Variants in PDILT observed in about 807,000 individuals in gnomAD.
The protein encoded by PDILT is protein disulfide isomerase like, testis expressed, also known as protein disulfide-isomerase-like protein of the testis.
PDILT carries 43 observed loss-of-function variants against 53.7 expected under a neutral mutation model. The observed-to-expected ratio is 0.80, with a 90% confidence interval of 0.63 to 1.03. The LOEUF is 1.03. Ranked by LOEUF, PDILT falls within the 50% of genes least tolerant of loss-of-function variation. PDILT has a pLI of 0.00. For missense variants in PDILT, 727 were observed against 712.3 expected, an observed-to-expected ratio of 1.02 and a Z score of -0.24; for synonymous variants, 282 against 274.2, an observed-to-expected ratio of 1.03 and a Z score of -0.28.
chr16:20,374,792 C>T, intron 5 of PDILT, 30 bp downstream of exon 5: 2 of 1,594,228 alleles, frequency 1.3e-6, no homozygotes, highest in Non-Finnish European at 1.7e-6. Flanking sequence ...AACCAGAGAC[C>T]TCTCACTAGC....
intron 1 of PDILT, among the ~76,000 whole-genome samples, chr16:20,403,904 G>T (rs1263868021): frequency 6.6e-6 from 1 of 151,962 alleles, no homozygotes; most frequent in African/African-American, 2.4e-5. Context: ...GCCTTTTCTG[G>T]TTCTCTGGGT....
rs767969385 is a variant in PDILT at position 20,369,480 on chromosome 16, G to GA, written c.1116+11dup. 1.7e-5 allele frequency: 28 copies of GA among 1,611,544 alleles called. No homozygotes were observed. Among genetic ancestry groups the GA allele is most frequent in the Non-Finnish European group, 2.3e-5 (27 of 1,177,764 alleles). ...GAGGTTCTGGATAAACCTTGTCCAA[G>GA]AAAAAACCTACTGTGGCATTTTTAC... On this transcript the variant is annotated intron_variant, in intron 8 of 11. Coordinates refer to ENST00000302451, the MANE Select transcript of PDILT (RefSeq NM_174924.2).
At chr16:20,365,157 A>G (rs760811153) in intron 9 of PDILT, among the ~76,000 whole-genome samples, 3 of 152,236 alleles carry the variant, frequency 2.0e-5, no homozygotes, top group African/African-American at 4.8e-5. Context: ...ATTGTCAGCC[A>G]TGAGCATTAT....
At chr16:20,394,791 AG>A (rs1346949150) in intron 2 of PDILT, among the ~76,000 whole-genome samples, 3 of 152,138 alleles carry the variant, frequency 2.0e-5, no homozygotes, top group Non-Finnish European at 2.9e-5. Flanking sequence ...CTGGAGGCAG[AG>A]GTTTCTGTGG....
chr16:20,375,278 G>A (rs978079377), intron 4 of PDILT, among the ~76,000 whole-genome samples: 7 of 152,166 alleles, frequency 4.6e-5, no homozygotes, highest in African/African-American at 1.7e-4. Context: ...AGAGGCAATT[G>A]ATTTTACCAC....
At chr16:20,389,583 T>G (rs564383367) in intron 2 of PDILT, among the ~76,000 whole-genome samples, 12 of 152,174 alleles carry the variant, frequency 7.9e-5, no homozygotes, top group Admixed American at 7.8e-4. Flanking sequence ...CTAGGCCTAT[T>G]ATGGAGCTCT....
chr16:20,367,079 C>A lies in PDILT; in HGVS notation c.1117-1539G>T, dbSNP rs1966220746. ...TCTTTCTTTCTTTCTTTCTTTCTTT[C>A]TTTCTTTCTTTCTTTCTTTCTTTCT... is the stretch of plus-strand genomic sequence containing the variant. On this transcript the variant is annotated intron_variant, in intron 8 of 11. Transcript: ENST00000302451. Among the ~76,000 whole-genome samples, 2 of 120,186 alleles carry A rather than the reference C, an allele frequency of 1.7e-5. 1 individual carries two copies. The highest frequency in any genetic ancestry group is 3.5e-5 in the Non-Finnish European group (2 of 57,620). The allele number at this position is 120,186 out of a possible 152,430, so 78.8% of individuals were successfully genotyped here.
At chr16:20,363,175 G>A (rs1222734646) in intron 9 of PDILT, among the ~76,000 whole-genome samples, 1 of 151,668 alleles carries the variant, frequency 6.6e-6, no homozygotes, top group Non-Finnish European at 1.5e-5. Flanking sequence ...CACTTTTAGT[G>A]TGTTCATGTT....
intron 3 of PDILT, among the ~76,000 whole-genome samples, chr16:20,377,355 T>C (rs1477004526): frequency 6.6e-6 from 1 of 152,226 alleles, no homozygotes; most frequent in African/African-American, 2.4e-5. Flanking sequence ...GTTATTCATT[T>C]ACGCACTCAT....
In PDILT at chr16:20,369,659, G is replaced by A. The variant is rs370534919; in HGVS notation, c.949C>T (p.Pro317Ser). 3.5e-5 allele frequency: 57 copies of A among 1,614,044 alleles called. No individual in the cohort carries two copies. Among genetic ancestry groups the A allele is most frequent in the Non-Finnish European group, 4.4e-5 (52 of 1,180,046 alleles). The change falls in exon 8 of 12, where the codon CCC (proline) becomes TCC (serine). Residue 317 changes from proline (P) to serine (S), a missense_variant. By Grantham distance (74) the Pro-to-Ser change is moderately conservative (BLOSUM62 -1). Transcript: ENST00000302451. ...ILFILVDADEPRNGRVFKYFR... is the reference protein window; with the variant it reads ...ILFILVDADESRNGRVFKYFR... ...TACTTGAAGACACGTCCATTTCTGG[G>A]TTCGTCTGCATCCACAAGGATGAAA...
intron 1 of PDILT, among the ~76,000 whole-genome samples, chr16:20,400,040 A>C (rs1026857099): frequency 8.0e-6 from 1 of 125,768 alleles, no homozygotes; most frequent in African/African-American, 3.3e-5. Context: ...CTATCTATCT[A>C]TCTATCTATC....
intron 9 of PDILT, among the ~76,000 whole-genome samples, chr16:20,363,443 CA>C (rs1743095112): frequency 6.7e-6 from 1 of 148,534 alleles, no homozygotes; most frequent in Non-Finnish European, 1.5e-5. Context: ...AATGTTCTTC[CA>C]AAAAGTGTGT....
At chr16:20,386,054 G>C (rs1966532847) in intron 2 of PDILT, 1 of 152,142 alleles carries the variant, frequency 6.6e-6, no homozygotes, top group Non-Finnish European at 1.5e-5. Context: ...GGATAGGGGA[G>C]GTTGTGGTGT....
chr16:20,378,026 A>C (rs1966410989), intron 3 of PDILT, among the ~76,000 whole-genome samples: 1 of 152,084 alleles, frequency 6.6e-6, no homozygotes, highest in Admixed American at 6.6e-5. Context: ...GGAGAGGGAA[A>C]GTCTTCTAGG....
intron 7 of PDILT, among the ~76,000 whole-genome samples, chr16:20,371,513 C>A (rs1596583740): frequency 6.6e-6 from 1 of 152,282 alleles, no homozygotes; most frequent in Middle Eastern, 3.4e-3. Flanking sequence ...TATTTGCTAC[C>A]TTCTGTTGGC....
intron 10 of PDILT, among the ~76,000 whole-genome samples, chr16:20,361,019 T>G (rs1385060021): frequency 6.6e-6 from 1 of 152,182 alleles, no homozygotes; most frequent in African/African-American, 2.4e-5. Flanking sequence ...AAGGATTAAA[T>G]GAGGTAATGT....
intron 8 of PDILT, 100 bp downstream of exon 8, chr16:20,369,392 G>C (rs1273819632): frequency 1.6e-6 from 2 of 1,287,278 alleles, no homozygotes; most frequent in Non-Finnish European, 2.2e-6. Context: ...TCTTTATTCT[G>C]CCTCCACATA....
At chr16:20,369,756 C>T (rs1398031849) in intron 7 of PDILT, 67 bp from the exon 8 acceptor site, 2 of 1,515,264 alleles carry the variant, frequency 1.3e-6, no homozygotes, top group Non-Finnish European at 1.8e-6. Flanking sequence ...TGCTGAAAGG[C>T]TGTGGACTAA....
chr16:20,387,763 G>A (rs1966559022), intron 2 of PDILT, among the ~76,000 whole-genome samples: 1 of 152,046 alleles, frequency 6.6e-6, no homozygotes, highest in Admixed American at 6.6e-5. Context: ...TGGGATTACA[G>A]GCATGCACCA....
Sources: allele counts gnomAD v4.1 joint callset (sites outside exome capture counted in the v4.1 genomes callset), GRCh38; gene constraint gnomAD v4.1.1; transcripts MANE v1.5; gene names NCBI Gene and HGNC (gene_info 2026-07-23, HGNC 2026-07-21).